TLCD3B: variants seen among roughly 807,000 people sequenced by gnomAD.
TLCD3B encodes ceramide synthase.
Under a neutral mutation model 23.0 loss-of-function variants are expected in TLCD3B, and 9 were observed. The observed-to-expected ratio is 0.39, with a 90% confidence interval of 0.24 to 0.68. The LOEUF is 0.68. Ranked by LOEUF, TLCD3B falls within the 30% of genes least tolerant of loss-of-function variation. The pLI is 0.44. For synonymous variants in TLCD3B, 161 were observed against 161.0 expected, an observed-to-expected ratio of 1.00 and a Z score of 0.00; for missense variants, 307 against 371.8, an observed-to-expected ratio of 0.83 and a Z score of 1.43.
chr16:30,048,399 C>A (rs2071704930), intron 1 of TLCD3B, among the ~76,000 whole-genome samples: 1 of 151,958 alleles, frequency 6.6e-6, no homozygotes, highest in African/African-American at 2.4e-5. Context: ...AGGCATGAAC[C>A]ACTGCACCTG....
chr16:30,036,337 C>T, intron 3 of TLCD3B: 1 of 1,288,826 alleles, frequency 7.8e-7, no homozygotes, highest in South Asian at 1.2e-5. Flanking sequence ...AAAGAAATAA[C>T]AGGTGCAAGC....
intron 3 of TLCD3B, chr16:30,040,880 T>A (rs980877766): frequency 1.3e-5 from 2 of 152,526 alleles, no homozygotes; most frequent in Non-Finnish European, 2.9e-5. Context: ...AGGCTGGTCT[T>A]CAACTCCTGG....
At position 30,029,464 on chromosome 16, in the gene TLCD3B, G is replaced by A. The variant is rs754152601; in HGVS notation, c.177C>T (p.Val59=). ...CAATGATGTGCTTGCAGGAGGTGGA[G>A]ACGATGTAGCCGGCAGTGGAGGCCA... ...AIMASTAGYI[V]STSCKHIIDD... Residue 59 remains valine (V), a synonymous_variant, in exon 2 of 5, where the codon GTC becomes GTT. Coordinates refer to ENST00000380495, the MANE Select transcript of TLCD3B (RefSeq NM_031478.6). The surrounding 1 kb of genome is among the most constrained non-coding windows in gnomAD (Gnocchi z 4.6). 6.2e-7 allele frequency: 1 copy of A among 1,614,078 alleles called. No homozygotes were observed. Among genetic ancestry groups the A allele is most frequent in the African/African-American group, 1.3e-5 (1 of 75,058 alleles).
chr16:30,046,007 G>C (rs184492510), intron 2 of TLCD3B, among the ~76,000 whole-genome samples: 1 of 152,196 alleles, frequency 6.6e-6, no homozygotes, highest in Admixed American at 6.5e-5. Flanking sequence ...CTACTTAGGA[G>C]GCTGAGGTGA....
chr16:30,046,916 A>G (rs907825893), intron 1 of TLCD3B, among the ~76,000 whole-genome samples: 19 of 152,340 alleles, frequency 1.2e-4, no homozygotes, highest in African/African-American at 4.1e-4. Context: ...TGTGTAAAGC[A>G]CAGTTGCTAT....
chr16:30,050,386 A>T (rs1207404819), intron 1 of TLCD3B, among the ~76,000 whole-genome samples: 1 of 152,140 alleles, frequency 6.6e-6, no homozygotes, highest in African/African-American at 2.4e-5. Flanking sequence ...AAAAAATTTT[A>T]AAAATTAGCT....
At chr16:30,052,975 C>T (rs2071791933) in exon 1 of TLCD3B, 1 of 152,190 alleles carries the variant, frequency 6.6e-6, no homozygotes, top group South Asian at 2.1e-4. Flanking sequence ...CTTCGCTCCC[C>T]GCGAGAAAGC....
intron 3 of TLCD3B, among the ~76,000 whole-genome samples, chr16:30,039,117 T>C (rs2071533193): frequency 2.9e-5 from 4 of 139,436 alleles, no homozygotes; most frequent in Admixed American, 7.1e-5. Context: ...TTTTTTTTTT[T>C]TTTTTTTTTT....
chr16:30,038,136 C>T (rs1003747739), intron 3 of TLCD3B, among the ~76,000 whole-genome samples: 9 of 152,136 alleles, frequency 5.9e-5, no homozygotes, highest in South Asian at 2.1e-4. Context: ...TTTTAAAATT[C>T]TAAATTTAGG....
In TLCD3B at chr16:30,024,749, G is replaced by A. The variant is rs1021179690; in HGVS notation, c.*434C>T. 13 of 191,198 alleles carry A rather than the reference G, an allele frequency of 6.8e-5. No individual in the cohort carries two copies. The highest frequency in any genetic ancestry group is 1.7e-4 in the South Asian group (1 of 6,002). The allele number at this position is 191,198 out of a possible 1,614,324, so 11.8% of individuals were successfully genotyped here. A position where few individuals can be genotyped will look rare whatever the true frequency, so the allele number is the denominator to read the frequency against. On this transcript the variant is annotated 3_prime_UTR_variant, in exon 5 of 5. Transcript: ENST00000380495. ...GAGCCGTGGTTGCAGCCGGCCACTC[G>A]GGAGGCCCGAGGGCCAGCGGGGGTT...
intron 2 of TLCD3B, among the ~76,000 whole-genome samples, chr16:30,044,774 C>T (rs1398696655): frequency 6.6e-6 from 1 of 152,108 alleles, no homozygotes; most frequent in Non-Finnish European, 1.5e-5. Context: ...GGCTGGCTCT[C>T]TCCTTGTTCA....
chr16:30,041,549 G>A (rs1182250124), intron 2 of TLCD3B, among the ~76,000 whole-genome samples: 3 of 151,844 alleles, frequency 2.0e-5, no homozygotes, highest in Admixed American at 2.0e-4. Flanking sequence ...ACACACGCCT[G>A]TAATTTTTGT....
chr16:30,028,358 G>C (rs922239510), intron 2 of TLCD3B, among the ~76,000 whole-genome samples: 2 of 152,094 alleles, frequency 1.3e-5, no homozygotes, highest in African/African-American at 2.4e-5. Flanking sequence ...CAGGGAAGAC[G>C]GACAGGAACA....
chr16:30,026,720 C>T lies in TLCD3B; in HGVS notation c.333G>A (p.Ala111=), dbSNP rs759151826. The change falls in exon 3 of 5, where the codon GCG becomes GCA. Residue 111 remains alanine, a synonymous_variant. Transcript: ENST00000380495. ...QVKGHGGDDG[A]ARAPGSTWAI... ...CCCACGTGCTGCCCGGGGCTCTGGC[C>T]GCTCCGTCGTCCCCTCCATGCCCTT... The T allele has an allele frequency of 2.7e-5, 44 of 1,613,894 alleles. No individual in the cohort carries two copies. Among genetic ancestry groups the T allele is most frequent in the Middle Eastern group, 1.6e-4 (1 of 6,084 alleles).
chr16:30,050,233 C>A (rs539846519), intron 1 of TLCD3B, among the ~76,000 whole-genome samples: 1 of 152,152 alleles, frequency 6.6e-6, no homozygotes, highest in Non-Finnish European at 1.5e-5. Flanking sequence ...CCTCAGGATT[C>A]CATCAGACAA....
chr16:30,025,828 A>C lies in TLCD3B; in HGVS notation c.445-7T>G. 2 of 1,612,316 alleles carry C rather than the reference A, an allele frequency of 1.2e-6. No individual in the cohort carries two copies. Among genetic ancestry groups the C allele is most frequent in the East Asian group, 2.2e-5 (1 of 44,878 alleles). ...CCTTACCCTGTCGCCACACCTGGGC[A>C]CAGAGGCAGGAAGGTGAGGAGCTGG... On this transcript the variant is annotated splice_region_variant and splice_polypyrimidine_tract_variant and intron_variant, in intron 3 of 4. Transcript: ENST00000380495. The surrounding 1 kb of genome is among the most constrained non-coding windows in gnomAD (Gnocchi z 4.1).
At chr16:30,028,834 G>C (rs1017013881) in intron 2 of TLCD3B, among the ~76,000 whole-genome samples, 5 of 152,210 alleles carry the variant, frequency 3.3e-5, no homozygotes, top group Non-Finnish European at 5.9e-5. Flanking sequence ...ACCACGGACA[G>C]GGCCCCTCTC....
At chr16:30,037,118 A>T (rs1197792102) in intron 3 of TLCD3B, among the ~76,000 whole-genome samples, 2 of 151,268 alleles carry the variant, frequency 1.3e-5, no homozygotes, top group African/African-American at 4.8e-5. Context: ...AATAAAATAA[A>T]AAAAAAACAG....
At position 30,029,644 on chromosome 16, in the gene TLCD3B, T is replaced by C; in HGVS notation, c.126-129A>G. 1.2e-6 allele frequency: 1 copy of C among 810,214 alleles called. No individual in the cohort carries two copies. The highest frequency in any genetic ancestry group is 2.0e-6 in the Non-Finnish European group (1 of 492,294). The allele number at this position is 810,214 out of a possible 1,614,324, so 50.2% of individuals were successfully genotyped here. A position where few individuals can be genotyped will look rare whatever the true frequency, so the allele number is the denominator to read the frequency against. ...TTCTCGGGCCAGTCCTTGCCTGCCTTCGCCCAAGGCTGGGCTGCCTGAGGT... is the reference window on the plus strand; with the variant it reads ...TTCTCGGGCCAGTCCTTGCCTGCCTCCGCCCAAGGCTGGGCTGCCTGAGGT... On this transcript the variant is annotated intron_variant, in intron 1 of 4. Transcript: ENST00000380495. The surrounding 1 kb of genome is among the most constrained non-coding windows in gnomAD (Gnocchi z 4.6).
Sources: allele counts gnomAD v4.1 joint callset (sites outside exome capture counted in the v4.1 genomes callset), GRCh38; gene constraint gnomAD v4.1.1; non-coding constraint Gnocchi (gnomAD v3.1); transcripts MANE v1.5; gene names NCBI Gene and HGNC (gene_info 2026-07-23, HGNC 2026-07-21).